PACC1: variants seen among roughly 807,000 people sequenced by gnomAD.
PACC1 encodes the protein proton-activated chloride channel.
PACC1 carries 34 observed loss-of-function variants against 39.7 expected under a neutral mutation model. The observed-to-expected ratio is 0.86, with a 90% confidence interval of 0.65 to 1.14. The LOEUF is 1.14. Among genes scored for constraint, PACC1 ranks in the 50% most tolerant of loss-of-function variants. The pLI is 0.00. For missense variants in PACC1, 379 were observed against 436.4 expected, an observed-to-expected ratio of 0.87 and a Z score of 1.17; for synonymous variants, 127 against 160.6, an observed-to-expected ratio of 0.79 and a Z score of 1.58.
intron 1 of PACC1, chr1:212,414,082 T>C (rs1430735869): frequency 7.2e-6 from 11 of 1,532,730 alleles, no homozygotes; most frequent in Non-Finnish European, 8.7e-6. Flanking sequence ...ACGCACAGCC[T>C]GCAGCGCAGG....
At chr1:212,387,900 C>G (rs1376319175) in intron 2 of PACC1, among the ~76,000 whole-genome samples, 1 of 151,724 alleles carries the variant, frequency 6.6e-6, no homozygotes, top group Non-Finnish European at 1.5e-5. Flanking sequence ...ACTAAAAATA[C>G]AAAATTAGCT....
chr1:212,402,385 G>A (rs1303672945), intron 2 of PACC1, among the ~76,000 whole-genome samples: 1 of 152,158 alleles, frequency 6.6e-6, no homozygotes, highest in Non-Finnish European at 1.5e-5. Context: ...ATCTCATCGT[G>A]ATTTAGAGTT....
chr1:212,386,892 T>C lies in PACC1; in HGVS notation c.342A>G (p.Pro114=). 6.2e-7 allele frequency: 1 copy of C among 1,614,070 alleles called. No homozygotes were observed. The highest frequency in any genetic ancestry group is 1.1e-5 in the South Asian group (1 of 91,070). ...GCCTGGCCCAGGGGCAGGCTCTACC[T>C]GGGGCATCATAGCGATCCACTTCCT... ...SYKEVDRYDA[P]GIALYPGQAQ... The change falls in exon 3 of 8, where the codon CCA becomes CCG. Residue 114 remains proline, a splice_region_variant and synonymous_variant. Coordinates refer to ENST00000261455, the MANE Select transcript of PACC1 (RefSeq NM_018252.3). The surrounding 1 kb of genome is among the most constrained non-coding windows in gnomAD (Gnocchi z 5.0).
intron 2 of PACC1, among the ~76,000 whole-genome samples, chr1:212,395,079 A>C (rs1046935387): frequency 7.2e-5 from 11 of 152,212 alleles, no homozygotes; most frequent in Non-Finnish European, 1.0e-4. Context: ...AGAATTGGAA[A>C]AAACTACTTT....
chr1:212,375,424 GGAGA>G (rs1393107388), intron 6 of PACC1, 124 bp from the exon 7 acceptor site: 1 of 642,092 alleles, frequency 1.6e-6, no homozygotes, highest in South Asian at 2.2e-5. Context: ...ACTATTTTTT[GGAGA>G]GAGAGTGGCA....
chr1:212,414,665 C>T (rs1358781043), intron 1 of PACC1, 57 bp downstream of exon 1: 9 of 1,606,594 alleles, frequency 5.6e-6, no homozygotes, highest in Admixed American at 5.0e-5. Flanking sequence ...CCGCCCAGGC[C>T]CCCGGGACCC....
intron 7 of PACC1, among the ~76,000 whole-genome samples, chr1:212,374,311 G>A (rs538263229): frequency 1.3e-4 from 20 of 152,148 alleles, no homozygotes; most frequent in Admixed American, 1.3e-3. Flanking sequence ...AATAAGCCAG[G>A]CACAGAAAAA....
chr1:212,401,032 T>C (rs906780035), intron 2 of PACC1, among the ~76,000 whole-genome samples: 3 of 152,234 alleles, frequency 2.0e-5, no homozygotes, highest in Admixed American at 2.0e-4. Flanking sequence ...CCTACCTTTT[T>C]TTTCTGTTTA....
rs754274588 is a variant in PACC1 at position 212,410,465 on chromosome 1, G to A, written c.93C>T (p.Asp31=). 6 of 1,614,164 alleles carry A rather than the reference G, an allele frequency of 3.7e-6. No individual in the cohort carries two copies. The East Asian group carries it at 6.7e-5, about 18-fold the overall frequency. ...VENSELADEQ[D]KETVRVQGPG... Reference sequence around the variant, plus strand: ...GACCTTGGACTCTGACCGTCTCCTTGTCCTGCTCGTCTGCCAGCTCTGAGT... The same window carrying A: ...GACCTTGGACTCTGACCGTCTCCTTATCCTGCTCGTCTGCCAGCTCTGAGT... The change falls in exon 2 of 8, where the codon GAC becomes GAT. Residue 31 remains aspartate, a synonymous_variant. Transcript: ENST00000261455.
At chr1:212,408,061 G>A (rs1661983514) in intron 2 of PACC1, among the ~76,000 whole-genome samples, 1 of 144,898 alleles carries the variant, frequency 6.9e-6, no homozygotes, top group African/African-American at 2.6e-5. Flanking sequence ...GTGACAGAGT[G>A]AGACTCCATC....
rs367760446 is a variant in PACC1, at chr1:212,380,045, G to A, written c.496-8C>T. On this transcript the variant is annotated splice_region_variant and splice_polypyrimidine_tract_variant and intron_variant, in intron 4 of 7. Transcript: ENST00000261455. ...GACAATCAGGGCAGATTTCTGCAGA[G>A]AGAAAAAGGACAGAGTCTCAGTCCT... 6.2e-7 allele frequency: 1 copy of A among 1,612,830 alleles called. No individual in the cohort carries two copies. The highest frequency in any genetic ancestry group is 8.5e-7 in the Non-Finnish European group (1 of 1,179,698).
intron 2 of PACC1, among the ~76,000 whole-genome samples, chr1:212,407,423 A>C (rs1661957388): frequency 6.6e-6 from 1 of 152,240 alleles, no homozygotes; most frequent in Admixed American, 6.5e-5. Flanking sequence ...TGACCTCCAG[A>C]ACTATAAGAT....
intron 7 of PACC1, among the ~76,000 whole-genome samples, chr1:212,373,048 A>G (rs899846038): frequency 6.6e-6 from 1 of 152,186 alleles, no homozygotes; most frequent in Non-Finnish European, 1.5e-5. Context: ...AGATAGCCAA[A>G]CCAATCCTGG....
rs564579177 is a variant in PACC1, at chr1:212,391,402, A to C, written c.134-4302T>G. On this transcript the variant is annotated intron_variant, in intron 2 of 7. Transcript: ENST00000261455. Reference sequence around the variant, plus strand: ...AGTCCTGACTGTTAGAAGGAAAACTAACAAACAGAAAGGACATCCACACCA... The same window carrying C: ...AGTCCTGACTGTTAGAAGGAAAACTCACAAACAGAAAGGACATCCACACCA... 2.0e-5 allele frequency among the ~76,000 whole-genome samples: 3 copies of C among 152,354 alleles called. No individual in the cohort carries two copies. In the East Asian group the frequency reaches 5.8e-4, roughly 29 times the overall value.
chr1:212,406,105 C>CAA (rs58332482), intron 2 of PACC1, among the ~76,000 whole-genome samples: 1,415 of 54,004 alleles, frequency 0.026, no homozygotes, highest in Non-Finnish European at 0.036. Flanking sequence ...TCCCACCCCA[C>CAA]AAAAAAAAAA....
intron 2 of PACC1, among the ~76,000 whole-genome samples, chr1:212,391,545 C>T (rs1661319989): frequency 6.6e-6 from 1 of 152,222 alleles, no homozygotes; most frequent in Admixed American, 6.5e-5. Context: ...CTCTCCTCCT[C>T]CAAAGGAACG....
intron 1 of PACC1, 34 bp from the exon 2 acceptor site, chr1:212,410,555 C>T: frequency 6.3e-7 from 1 of 1,585,264 alleles, no homozygotes; most frequent in South Asian, 1.1e-5. Flanking sequence ...AAAGACAAGT[C>T]AGCTATGTCA....
At chr1:212,402,474 T>G (rs1661751716) in intron 2 of PACC1, among the ~76,000 whole-genome samples, 1 of 152,240 alleles carries the variant, frequency 6.6e-6, no homozygotes, top group Non-Finnish European at 1.5e-5. Flanking sequence ...TGGAAAAATG[T>G]CTATTCAGAT....
At chr1:212,395,714 C>T (rs948640763) in intron 2 of PACC1, among the ~76,000 whole-genome samples, 1 of 151,770 alleles carries the variant, frequency 6.6e-6, no homozygotes, top group African/African-American at 2.4e-5. Context: ...TATCCAGAAT[C>T]TACAAAGAAC....
Sources: gnomAD v4.1 joint callset for allele counts (sites outside exome capture counted in the v4.1 genomes callset) on GRCh38, gnomAD v4.1.1 for gene constraint, Gnocchi (gnomAD v3.1) non-coding constraint, MANE v1.5 for transcripts, NCBI Gene and HGNC (gene_info 2026-07-23, HGNC 2026-07-21) for gene names.